Variants in ZBTB37 observed in about 807,000 individuals in gnomAD.
ZBTB37 encodes the protein zinc finger and BTB domain containing 37.
ZBTB37 carries 15 observed loss-of-function variants against 37.7 expected under a neutral mutation model. The observed-to-expected ratio is 0.40, with a 90% CI of 0.27 to 0.61. The LOEUF (loss-of-function observed/expected upper bound fraction) is 0.61. Ranked by LOEUF, ZBTB37 falls within the 20% of genes least tolerant of loss-of-function variation. The pLI is 0.44. For missense variants in ZBTB37, 514 were observed against 641.9 expected (o/e 0.80, Z 2.15); for synonymous variants, 231 against 220.6 (o/e 1.05, Z -0.42).
exon 4 of ZBTB37, chr1:173,897,163 A>AT (rs1483015378): frequency 1.3e-5 from 2 of 152,020 alleles, no homozygotes; most frequent in African/African-American, 2.4e-5. Flanking sequence ...AAGTTTGGCT[A>AT]TTTTTTCATG....
exon 3 of ZBTB37, chr1:173,870,499 A>G (rs778081579): frequency 6.2e-7 from 1 of 1,614,194 alleles, no homozygotes; most frequent in Non-Finnish European, 8.5e-7. Context: ...CACAGGGCGG[A>G]TATGCCTGCA....
chr1:173,886,357 T>A, exon 5 of ZBTB37: 2 of 610,960 alleles, frequency 3.3e-6, no homozygotes, highest in Non-Finnish European at 2.7e-6. Context: ...AACTTTCTAA[T>A]TCAGGGATCA....
intron 4 of ZBTB37, among the ~76,000 whole-genome samples, chr1:173,877,399 C>T (rs529187193): frequency 8.4e-5 from 9 of 107,290 alleles, no homozygotes; most frequent in East Asian, 7.5e-4. Context: ...TTTTTTTTTC[C>T]GAGACAGGAT....
exon 5 of ZBTB37, chr1:173,886,285 G>A (rs1182670213): frequency 8.9e-7 from 1 of 1,121,098 alleles, no homozygotes; most frequent in African/African-American, 1.6e-5. Context: ...TTACACAAAA[G>A]CACTAAAGGC....
downstream of ZBTB37, chr1:173,891,333 T>C (rs1005885446): frequency 1.3e-5 from 2 of 152,230 alleles, no homozygotes; most frequent in Non-Finnish European, 2.9e-5. Context: ...ACCCCTACCT[T>C]TTCCCTTTGC....
chr1:173,884,434 A>C (rs1466458938), intron 4 of ZBTB37, among the ~76,000 whole-genome samples: 1 of 149,316 alleles, frequency 6.7e-6, no homozygotes, highest in Admixed American at 6.6e-5. Flanking sequence ...CTGGGATTAT[A>C]GGCATAAGCC....
chr1:173,875,866 C>T (rs1655939458), intron 4 of ZBTB37, among the ~76,000 whole-genome samples: 1 of 151,942 alleles, frequency 6.6e-6, no homozygotes, highest in Non-Finnish European at 1.5e-5. Flanking sequence ...ACCAGTTTGC[C>T]CAGGCTGGTC....
At chr1:173,874,923 C>A (rs1213281735) in intron 4 of ZBTB37, among the ~76,000 whole-genome samples, 1 of 151,530 alleles carries the variant, frequency 6.6e-6, no homozygotes, top group Non-Finnish European at 1.5e-5. Flanking sequence ...AAAATTCTTG[C>A]TTGTGGGCGT....
rs754049477 is a variant in ZBTB37 at position 173,870,944 on chromosome 1, T to C, written c.719T>C (p.Leu240Pro). The change falls in exon 3 of 5, where the codon CTT (leucine) becomes CCT (proline). Residue 240 changes from leucine (L) to proline (P), a missense_variant. Coordinates refer to ENST00000427304, the Ensembl canonical transcript of ZBTB37. ...CGGAGTGATGATGAAGTTAGAGTTC[T>C]TGGAGCAGTACACATCAAAACTGAA... 2.5e-6 allele frequency: 4 copies of C among 1,614,226 alleles called. No homozygotes were observed. In the East Asian group the frequency reaches 6.7e-5, roughly 27 times the overall value.
exon 4 of ZBTB37, chr1:173,891,841 A>G (rs535165117): frequency 2.6e-5 from 4 of 152,334 alleles, no homozygotes; most frequent in African/African-American, 7.2e-5. Context: ...AATTAGATCT[A>G]TCTTGACAAA....
At chr1:173,874,870 A>G (rs1324596751) in intron 4 of ZBTB37, among the ~76,000 whole-genome samples, 1 of 152,238 alleles carries the variant, frequency 6.6e-6, no homozygotes, top group Non-Finnish European at 1.5e-5. Flanking sequence ...CTTGTTATGT[A>G]AAAAATGCAA....
chr1:173,886,831 A>G (rs1411138378), downstream of ZBTB37: 5 of 152,372 alleles, frequency 3.3e-5, no homozygotes, highest in African/African-American at 1.2e-4. Context: ...AGGTACTGCT[A>G]CATTTGGGGG....
At chr1:173,901,820 G>C (rs1021484735) in exon 4 of ZBTB37, 1 of 152,248 alleles carries the variant, frequency 6.6e-6, no homozygotes, top group Non-Finnish European at 1.5e-5. Flanking sequence ...AAAAGGCTGA[G>C]GGTTCAAAGA....
At chr1:173,875,660 T>C (rs1004122499) in intron 4 of ZBTB37, among the ~76,000 whole-genome samples, 5 of 148,980 alleles carry the variant, frequency 3.4e-5, no homozygotes, top group East Asian at 2.0e-4. Context: ...TTGCTTATGC[T>C]TTTTTTTTTC....
chr1:173,874,452 G>A (rs1009336274), intron 4 of ZBTB37, among the ~76,000 whole-genome samples: 4 of 151,200 alleles, frequency 2.6e-5, no homozygotes, highest in African/African-American at 7.3e-5. Flanking sequence ...CCGGGTTCAC[G>A]CCATTCTCCT....
chr1:173,892,835 T>G (rs1269017666), exon 4 of ZBTB37: 1 of 152,184 alleles, frequency 6.6e-6, no homozygotes, highest in East Asian at 1.9e-4. Flanking sequence ...GTCTATTGCC[T>G]GCGTCTTTCA....
chr1:173,893,457 A>G (rs1282354044), exon 4 of ZBTB37: 1 of 152,236 alleles, frequency 6.6e-6, no homozygotes, highest in Non-Finnish European at 1.5e-5. Flanking sequence ...CTGGTTTTAG[A>G]CATAGTTTAG....
intron 4 of ZBTB37, among the ~76,000 whole-genome samples, chr1:173,876,379 G>T (rs1008532438): frequency 2.0e-5 from 3 of 151,866 alleles, no homozygotes; most frequent in African/African-American, 7.3e-5. Flanking sequence ...GTGCAGTGGC[G>T]CAGCCTTGGC....
intron 3 of ZBTB37, among the ~76,000 whole-genome samples, chr1:173,873,047 T>A (rs1034525508): frequency 6.6e-6 from 1 of 152,052 alleles, no homozygotes; most frequent in Admixed American, 6.6e-5. Flanking sequence ...ATGCAAAGAT[T>A]TTTTAATCTC....
Sources: allele counts gnomAD v4.1 joint callset (sites outside exome capture counted in the v4.1 genomes callset), GRCh38; gene constraint gnomAD v4.1.1; transcripts MANE v1.5; gene names NCBI Gene and HGNC (gene_info 2026-07-23, HGNC 2026-07-21).